Variants in SYNPO2 observed in about 807,000 individuals in gnomAD.
SYNPO2 encodes the protein synaptopodin 2.
A neutral mutation model predicts 85.0 loss-of-function variants in SYNPO2; 56 were observed. The ratio of observed to expected loss-of-function variants is 0.66; its 90% CI spans 0.53 to 0.82. The LOEUF is 0.82. SYNPO2 is among the 40% of genes least tolerant of loss of function. The pLI, the probability that SYNPO2 is intolerant of heterozygous loss-of-function variation, is 0.00. For missense variants in SYNPO2, 1,575 were observed against 1,534.2 expected (o/e 1.03, Z -0.44); for synonymous variants, 602 against 591.1 (o/e 1.02, Z -0.27).
At chr4:118,906,215 T>A (rs1257760888) in intron 1 of SYNPO2, among the ~76,000 whole-genome samples, 1 of 152,196 alleles carries the variant, frequency 6.6e-6, no homozygotes, top group Non-Finnish European at 1.5e-5. Flanking sequence ...TTTTGCTTTT[T>A]TTTAAAAAAA....
chr4:118,902,202 T>G (rs1732777853), intron 1 of SYNPO2, among the ~76,000 whole-genome samples: 1 of 152,216 alleles, frequency 6.6e-6, no homozygotes. Context: ...TAAGAACAAC[T>G]TTGCAATGTG....
intron 1 of SYNPO2, among the ~76,000 whole-genome samples, chr4:118,915,760 T>C (rs1263910047): frequency 6.6e-6 from 1 of 152,198 alleles, no homozygotes; most frequent in African/African-American, 2.4e-5. Flanking sequence ...GCCAAACTCT[T>C]GTTCAAGTTG....
chr4:118,876,973 T>A (rs1578512107), intron 1 of SYNPO2, among the ~76,000 whole-genome samples: 1 of 148,920 alleles, frequency 6.7e-6, no homozygotes, highest in African/African-American at 2.5e-5. Context: ...CTAATTAAAT[T>A]TTTTTTTTTT....
At chr4:119,013,866 A>C (rs1737422628) in intron 1 of SYNPO2, among the ~76,000 whole-genome samples, 1 of 152,270 alleles carries the variant, frequency 6.6e-6, no homozygotes, top group Admixed American at 6.5e-5. Context: ...GATTTTTTAA[A>C]TTAACAGAGT....
At chr4:118,973,286 A>T (rs1735603463) in intron 1 of SYNPO2, among the ~76,000 whole-genome samples, 1 of 152,078 alleles carries the variant, frequency 6.6e-6, no homozygotes, top group Non-Finnish European at 1.5e-5. Context: ...CAAATATAAG[A>T]CTTTCTCAGC....
chr4:118,889,337 C>T lies in SYNPO2; in HGVS notation c.105+196C>T, dbSNP rs560591170. Among the ~76,000 whole-genome samples, 219 of 152,182 alleles carry T rather than the reference C, an allele frequency of 1.4e-3. 1 individual carries two copies. The highest frequency in any genetic ancestry group is 2.5e-3 in the Non-Finnish European group (169 of 68,014). On this transcript the variant is annotated intron_variant, in intron 1 of 4. Coordinates refer to ENST00000307142, the MANE Select transcript of SYNPO2 (RefSeq NM_133477.3). ...AATGGGCCACATCCTATGTAATTAACTTGCAATCGATGAGGGGTGGGTGGG... is the reference window on the plus strand; with the variant it reads ...AATGGGCCACATCCTATGTAATTAATTTGCAATCGATGAGGGGTGGGTGGG...
chr4:119,002,013 C>T (rs1736840040), intron 1 of SYNPO2, among the ~76,000 whole-genome samples: 2 of 152,102 alleles, frequency 1.3e-5, no homozygotes, highest in South Asian at 4.2e-4. Context: ...TACCTAGTGC[C>T]CCCCATCCTC....
chr4:118,973,892 C>T (rs1735630832), intron 1 of SYNPO2, among the ~76,000 whole-genome samples: 1 of 152,202 alleles, frequency 6.6e-6, no homozygotes, highest in African/African-American at 2.4e-5. Context: ...AGCAATCTAA[C>T]ATCACTCAGA....
intron 1 of SYNPO2, among the ~76,000 whole-genome samples, chr4:118,895,904 A>ACTT (rs1487174968): frequency 1.3e-5 from 2 of 152,248 alleles, no homozygotes; most frequent in Non-Finnish European, 2.9e-5. Flanking sequence ...GGCTAAAAAT[A>ACTT]CTTCACATGT....
intron 1 of SYNPO2, among the ~76,000 whole-genome samples, chr4:118,897,904 C>A (rs1158003432): frequency 2.0e-5 from 3 of 152,166 alleles, no homozygotes; most frequent in Non-Finnish European, 1.5e-5. Flanking sequence ...ACCCCTTAAA[C>A]CAAACCTGCT....
intron 1 of SYNPO2, among the ~76,000 whole-genome samples, chr4:118,914,685 C>T (rs1187773154): frequency 6.6e-6 from 1 of 151,740 alleles, no homozygotes; most frequent in African/African-American, 2.4e-5. Flanking sequence ...CAAGTGGAGA[C>T]ATAGAGTCTA....
At chr4:119,057,351 C>G in intron 4 of SYNPO2, 50 bp from the exon 5 acceptor site, 3 of 1,504,612 alleles carry the variant, frequency 2.0e-6, no homozygotes, top group Non-Finnish European at 2.7e-6. Context: ...GAGTAACAAT[C>G]AGCACAAACC....
chr4:118,979,179 C>T (rs1735907780), intron 1 of SYNPO2, among the ~76,000 whole-genome samples: 1 of 152,182 alleles, frequency 6.6e-6, no homozygotes, highest in African/African-American at 2.4e-5. Context: ...TCTGACCTTC[C>T]TGTCCAGACT....
At chr4:119,047,867 C>T (rs991254485) in intron 4 of SYNPO2, among the ~76,000 whole-genome samples, 1 of 152,214 alleles carries the variant, frequency 6.6e-6, no homozygotes, top group Non-Finnish European at 1.5e-5. Context: ...TTTCCTAACA[C>T]GTACTTGCAG....
intron 1 of SYNPO2, among the ~76,000 whole-genome samples, chr4:118,997,226 C>T (rs1234843461): frequency 2.4e-5 from 2 of 83,320 alleles, no homozygotes; most frequent in Non-Finnish European, 5.1e-5. Flanking sequence ...GGCGACAGAG[C>T]GAGACTCCGT....
intron 1 of SYNPO2, among the ~76,000 whole-genome samples, chr4:118,862,900 T>C (rs1428110921): frequency 2.0e-5 from 3 of 152,118 alleles, no homozygotes; most frequent in African/African-American, 7.2e-5. Context: ...AACCTCCGCA[T>C]CCTGGGTTCA....
In SYNPO2 at chr4:118,956,136, A is replaced by G. The variant is rs1393198946; in HGVS notation, c.105+66995A>G. On this transcript the variant is annotated intron_variant, in intron 1 of 4. Transcript: ENST00000307142. ...AAAGTAGATACAAACTGGAAATGAG[A>G]GGAGAGATTGGGGTTTTGAAGACAC... 2.0e-5 allele frequency among the ~76,000 whole-genome samples: 3 copies of G among 152,328 alleles called. No homozygotes were observed. The East Asian group carries it at 5.8e-4, about 29-fold the overall frequency.
At chr4:119,056,503 GC>G in intron 4 of SYNPO2, among the ~76,000 whole-genome samples, 1 of 152,256 alleles carries the variant, frequency 6.6e-6, no homozygotes, top group African/African-American at 2.4e-5. Context: ...GCTGCAGTGA[GC>G]CATGATCATG....
chr4:118,880,348 C>A (rs1732059255), intron 1 of SYNPO2, among the ~76,000 whole-genome samples: 1 of 152,160 alleles, frequency 6.6e-6, no homozygotes, highest in South Asian at 2.1e-4. Context: ...AAGACCTAAT[C>A]TCCAGTACCT....
Sources: gnomAD v4.1 joint callset for allele counts (sites outside exome capture counted in the v4.1 genomes callset) on GRCh38, gnomAD v4.1.1 for gene constraint, MANE v1.5 for transcripts, NCBI Gene and HGNC (gene_info 2026-07-23, HGNC 2026-07-21) for gene names.